DDO: variants seen among roughly 807,000 people sequenced by gnomAD.
DDO encodes D-aspartate oxidase.
In DDO, 16 loss-of-function variants were observed where a neutral mutation model predicts 16.8. That is an observed-to-expected ratio of 0.95 (90% CI 0.65 to 1.45). The LOEUF (loss-of-function observed/expected upper bound fraction) is 1.45, where lower values mean the gene tolerates loss of function less well. Among genes scored for constraint, DDO ranks in the 40% most tolerant of loss-of-function variants. The pLI is 0.00. For missense variants in DDO, 429 were observed against 420.3 expected (o/e 1.02, Z -0.18); for synonymous variants, 180 against 167.2 (o/e 1.08, Z -0.59).
At chr6:110,400,903 G>T (rs1247983664) in intron 4 of DDO, among the ~76,000 whole-genome samples, 1 of 152,228 alleles carries the variant, frequency 6.6e-6, no homozygotes, top group Non-Finnish European at 1.5e-5. Flanking sequence ...CAGTGAGTGT[G>T]TGGGGCTCGG....
In DDO at chr6:110,393,012, G is replaced by A. The variant is rs1356754704; in HGVS notation, c.789C>T (p.Pro263=). Residue 263 remains proline, a synonymous_variant, in exon 5 of 5, where the codon CCC becomes CCT. Transcript: ENST00000368924. The part of the protein sequence containing the change: ...EILSRCCALE[P]SLHGACNIRE... ...TGATGTTGCAGGCTCCGTGGAGGGA[G>A]GGCTCCAGAGCACAGCATCGGGAAA... The A allele has an allele frequency of 2.5e-6, 4 of 1,610,750 alleles. No individual in the cohort carries two copies. Among genetic ancestry groups the A allele is most frequent in the South Asian group, 2.2e-5 (2 of 91,034 alleles).
intron 2 of DDO, among the ~76,000 whole-genome samples, chr6:110,412,860 G>A (rs1773905092): frequency 6.6e-6 from 1 of 152,176 alleles, no homozygotes. Flanking sequence ...TGTTAAAACC[G>A]CACATTATGG....
At chr6:110,408,044 G>A (rs926726864) in intron 3 of DDO, among the ~76,000 whole-genome samples, 9 of 152,108 alleles carry the variant, frequency 5.9e-5, no homozygotes, top group African/African-American at 7.2e-5. Context: ...TACCTCCTGC[G>A]TGTTTTTTTA....
intron 4 of DDO, among the ~76,000 whole-genome samples, chr6:110,397,238 GTT>G (rs983311870): frequency 2.0e-5 from 3 of 152,144 alleles, no homozygotes; most frequent in African/African-American, 4.8e-5. Flanking sequence ...GTGCTTAGGG[GTT>G]TTTCATGCTA....
intron 1 of DDO, among the ~76,000 whole-genome samples, chr6:110,413,884 C>A (rs1773950440): frequency 6.6e-6 from 1 of 152,156 alleles, no homozygotes. Context: ...AGCAATTCTC[C>A]TGCCTTAGCC....
intron 2 of DDO, among the ~76,000 whole-genome samples, chr6:110,408,987 C>A (rs760840518): frequency 6.6e-6 from 1 of 152,204 alleles, no homozygotes; most frequent in African/African-American, 2.4e-5. Flanking sequence ...TACAAGGAAA[C>A]AAGGCTTGCA....
chr6:110,401,554 G>C (rs1001457065), intron 4 of DDO, among the ~76,000 whole-genome samples: 1 of 151,524 alleles, frequency 6.6e-6, no homozygotes, highest in Admixed American at 6.6e-5. Flanking sequence ...TGGACAATTT[G>C]AACATCAAAA....
chr6:110,408,219 G>T, intron 3 of DDO, 115 bp downstream of exon 3: 2 of 897,418 alleles, frequency 2.2e-6, no homozygotes, highest in East Asian at 2.5e-5. Context: ...GAATCCTCCT[G>T]CATCTAAGTC....
chr6:110,413,383 G>A lies in DDO; in HGVS notation c.80C>T (p.Pro27Leu), dbSNP rs369439487. Residue 27 changes from proline to leucine, a missense_variant, in exon 2 of 5, where the codon CCC (proline) becomes CTC (leucine). Coordinates refer to ENST00000368924, the MANE Select transcript of DDO (RefSeq NM_001372108.2). ...STAVCISKLV[P>L]RCSVTIISDK... ...TGAAATGATGGTAACGGAGCATCGG[G>A]GCACCAGTTTGGAGATGCACACAGC... is the stretch of plus-strand genomic sequence containing the variant. The A allele has an allele frequency of 7.4e-6, 12 of 1,614,000 alleles. No individual in the cohort carries two copies. The African/African-American group carries it at 1.6e-4, about 22-fold the overall frequency.
chr6:110,409,261 G>A (rs192457438), intron 2 of DDO, among the ~76,000 whole-genome samples: 46 of 152,346 alleles, frequency 3.0e-4, no homozygotes, highest in East Asian at 2.9e-3. Context: ...GCACAGAGAC[G>A]GCAGGAATGA....
intron 3 of DDO, 85 bp from the exon 4 acceptor site, chr6:110,405,035 A>G: frequency 2.4e-6 from 3 of 1,273,330 alleles, no homozygotes. Flanking sequence ...TCTCTAGAGC[A>G]TTTATTTTAT....
Position 110,401,156 on chromosome 6 carries a change from C to G in DDO, c.458+3618G>C, listed in dbSNP as rs542648477. Among the ~76,000 whole-genome samples the G allele has an allele frequency of 3.3e-5, 5 of 152,302 alleles. No homozygotes were observed. The East Asian group carries it at 5.8e-4, about 18-fold the overall frequency. On this transcript the variant is annotated intron_variant, in intron 4 of 4. Coordinates refer to ENST00000368924, the MANE Select transcript of DDO (RefSeq NM_001372108.2). ...GCCCCTTTGCTGCCATGTGAAGATG[C>G]AGGACTCTTAGGAATCTAGAAATTC...
chr6:110,409,956 C>A (rs1227911202), intron 2 of DDO, among the ~76,000 whole-genome samples: 1 of 152,086 alleles, frequency 6.6e-6, no homozygotes, highest in African/African-American at 2.4e-5. Flanking sequence ...TAAAACAGAA[C>A]TATAGCTGGA....
intron 4 of DDO, among the ~76,000 whole-genome samples, chr6:110,399,125 G>T (rs1773389286): frequency 6.6e-6 from 1 of 152,196 alleles, no homozygotes; most frequent in Non-Finnish European, 1.5e-5. Context: ...ACCTGTGTGG[G>T]TGATTCAAAC....
At chr6:110,394,159 C>T (rs912101046) in intron 4 of DDO, among the ~76,000 whole-genome samples, 3 of 151,972 alleles carry the variant, frequency 2.0e-5, no homozygotes, top group Non-Finnish European at 2.9e-5. Flanking sequence ...GGCTGGAGTG[C>T]AGTGGCGTGA....
intron 3 of DDO, among the ~76,000 whole-genome samples, chr6:110,405,607 T>C (rs1290237237): frequency 6.6e-6 from 1 of 152,230 alleles, no homozygotes; most frequent in Non-Finnish European, 1.5e-5. Flanking sequence ...TATTGGGTTG[T>C]TTTCATCAGT....
intron 4 of DDO, among the ~76,000 whole-genome samples, chr6:110,394,974 T>C (rs1773244620): frequency 6.6e-6 from 1 of 152,198 alleles, no homozygotes; most frequent in South Asian, 2.1e-4. Context: ...CCTAGCTAAG[T>C]GCCCCACACC....
intron 3 of DDO, among the ~76,000 whole-genome samples, chr6:110,406,519 A>G (rs1773661709): frequency 6.6e-6 from 1 of 152,168 alleles, no homozygotes; most frequent in Admixed American, 6.5e-5. Flanking sequence ...CTATCTCATC[A>G]TCAACTCTTC....
At chr6:110,405,088 G>A (rs1167666220) in intron 3 of DDO, 138 bp from the exon 4 acceptor site, 6 of 855,748 alleles carry the variant, frequency 7.0e-6, no homozygotes, top group Admixed American at 5.3e-5. Context: ...CCAGGTGGGA[G>A]TGCAGTGGCA....
Sources: allele counts gnomAD v4.1 joint callset (sites outside exome capture counted in the v4.1 genomes callset), GRCh38; gene constraint gnomAD v4.1.1; transcripts MANE v1.5; gene names NCBI Gene and HGNC (gene_info 2026-07-23, HGNC 2026-07-21).